Variants in POTEI observed in about 807,000 individuals in gnomAD.
POTEI encodes the protein POTE ankyrin domain family, member I.
POTEI carries 14 observed loss-of-function variants against 43.4 expected under a neutral mutation model. The ratio of observed to expected loss-of-function variants is 0.32; its 90% CI spans 0.21 to 0.50. POTEI has a LOEUF of 0.50. POTEI is among the 20% of genes least tolerant of loss of function. The probability of loss-of-function intolerance (pLI) is 0.98; values close to 1 mark genes in which losing one functional copy is unlikely to be tolerated. For synonymous variants in POTEI, 95 were observed against 297.9 expected (o/e 0.32, Z 7.01); for missense variants, 235 against 795.4 (o/e 0.30, Z 8.47).
chr2:130,496,774 A>T (rs562342352), intron 5 of POTEI, among the ~76,000 whole-genome samples, 152 bp from the exon 6 acceptor site: 1 of 146,448 alleles, frequency 6.8e-6, no homozygotes, highest in Non-Finnish European at 1.5e-5. Context: ...CATTCTACAA[A>T]CTTCTCTTTA....
intron 10 of POTEI, among the ~76,000 whole-genome samples, chr2:130,478,565 A>G (rs1157511893): frequency 9.1e-6 from 1 of 109,658 alleles, no homozygotes; most frequent in Non-Finnish European, 1.8e-5. Flanking sequence ...GAAAAACACA[A>G]AGCACATTTT....
intron 9 of POTEI, among the ~76,000 whole-genome samples, chr2:130,483,918 A>C (rs1455833698): frequency 6.6e-6 from 1 of 150,768 alleles, no homozygotes; most frequent in Non-Finnish European, 1.5e-5. Flanking sequence ...CAATCAAACA[A>C]TATACACAGG....
chr2:130,507,239 G>C (rs1470707328), intron 1 of POTEI, among the ~76,000 whole-genome samples: 1 of 66,222 alleles, frequency 1.5e-5, no homozygotes, highest in African/African-American at 4.8e-5. Context: ...ACTCCAGCTT[G>C]GGCTACAGAG....
At chr2:130,492,947 C>T (rs535335366) in intron 6 of POTEI, among the ~76,000 whole-genome samples, 8 of 151,572 alleles carry the variant, frequency 5.3e-5, no homozygotes, top group Non-Finnish European at 1.2e-4. Flanking sequence ...GGTACTCACT[C>T]TCAAGTTTAT....
At chr2:130,480,528 T>A (rs1055227638) in intron 10 of POTEI, among the ~76,000 whole-genome samples, 36 of 145,790 alleles carry the variant, frequency 2.5e-4, no homozygotes, top group African/African-American at 9.1e-4. Context: ...TCTCACTCCA[T>A]GTTCCTTCTG....
chr2:130,492,799 T>C (rs1303056961), intron 6 of POTEI, among the ~76,000 whole-genome samples: 1 of 131,722 alleles, frequency 7.6e-6, no homozygotes, highest in East Asian at 2.5e-4. Context: ...ATTTCTAAAG[T>C]TATAGTGCCT....
chr2:130,493,025 G>C (rs1421045904), intron 6 of POTEI, among the ~76,000 whole-genome samples: 2 of 141,518 alleles, frequency 1.4e-5, no homozygotes, highest in Non-Finnish European at 3.1e-5. Flanking sequence ...ATATTGCTTT[G>C]TTTAAAGGAA....
At chr2:130,477,773 C>T (rs1573918752) in intron 10 of POTEI, among the ~76,000 whole-genome samples, 1 of 141,724 alleles carries the variant, frequency 7.1e-6, no homozygotes, top group African/African-American at 2.8e-5. Context: ...AGAACACATG[C>T]CCAAGCAGAG....
chr2:130,464,647 A>G (rs2246830), intron 14 of POTEI, among the ~76,000 whole-genome samples: 1 of 151,368 alleles, frequency 6.6e-6, no homozygotes, highest in Non-Finnish European at 1.5e-5. Context: ...ACTGAAGAAC[A>G]TTTTACCGAT....
At chr2:130,467,742 C>A (rs538301229) in intron 13 of POTEI, among the ~76,000 whole-genome samples, 188 of 151,994 alleles carry the variant, frequency 1.2e-3, no homozygotes, top group African/African-American at 4.3e-3. Flanking sequence ...CTATAACCTA[C>A]AAGAAACTCA....
chr2:130,478,013 CT>C (rs1332768161), intron 10 of POTEI, among the ~76,000 whole-genome samples: 1 of 50,148 alleles, frequency 2.0e-5, no homozygotes, highest in Admixed American at 2.7e-4. Context: ...TTATGAAAGC[CT>C]TATGTGTAAT....
rs1342067813 is a variant in POTEI, at chr2:130,509,161, G to T, written c.75C>A (p.Gly25=). The part of the protein sequence containing the change: ...KKPFVLRSKM[G]KWCRHCFPCC... ...AGGGGAAGCAGTGGCGGCACCACTT[G>T]CCCATCTTGCTCCTGAGAACAAATG... The change falls in exon 1 of 15, where the codon GGC becomes GGA. Residue 25 remains glycine (G), a synonymous_variant. Transcript: ENST00000451531. 2.0e-6 allele frequency: 3 copies of T among 1,507,880 alleles called. No homozygotes were observed. Among genetic ancestry groups the T allele is most frequent in the Non-Finnish European group, 2.7e-6 (3 of 1,129,680 alleles). The allele number at this position is 1,507,880 out of a possible 1,614,324, so 93.4% of individuals were successfully genotyped here. A position where few individuals can be genotyped will look rare whatever the true frequency, so the allele number is the denominator to read the frequency against.
intron 1 of POTEI, among the ~76,000 whole-genome samples, chr2:130,507,406 G>A (rs1243913254): frequency 8.6e-4 from 1 of 1,158 alleles, no homozygotes; most frequent in African/African-American, 9.3e-4. Flanking sequence ...GTATATATGT[G>A]TATATATATG....
rs559431253 is a variant in POTEI, at chr2:130,460,170, G to A, written c.*2646C>T. The A allele has an allele frequency of 6.6e-6, 1 of 150,920 alleles. No homozygotes were observed. Among genetic ancestry groups the A allele is most frequent in the South Asian group, 2.1e-4 (1 of 4,808 alleles). 9.3% of individuals were successfully genotyped at this position (150,920 alleles called of 1,614,324 possible). ...GGCATCTAAGAGTGCCCCGTAAGCA[G>A]GTGTGGCCAGGCTGGGGCCATGGGA... On this transcript the variant is annotated 3_prime_UTR_variant, in exon 15 of 15. Coordinates refer to ENST00000451531, the MANE Select transcript of POTEI (RefSeq NM_001277406.2).
At chr2:130,489,128 A>G (rs1683667621) in intron 8 of POTEI, 107 bp downstream of exon 8, 1 of 8,520 alleles carries the variant, frequency 1.2e-4, no homozygotes, top group African/African-American at 1.5e-4. Flanking sequence ...CTCATGATTT[A>G]TGCTACTTAC....
chr2:130,468,526 G>A (rs1682929299), intron 13 of POTEI, among the ~76,000 whole-genome samples: 1 of 151,840 alleles, frequency 6.6e-6, no homozygotes, highest in Non-Finnish European at 1.5e-5. Context: ...AGAGAGAAGT[G>A]AAGCGCAAAG....
chr2:130,493,036 G>C (rs903906920), intron 6 of POTEI, among the ~76,000 whole-genome samples: 1 of 130,452 alleles, frequency 7.7e-6, no homozygotes, highest in Admixed American at 8.3e-5. Context: ...TTTAAAGGAA[G>C]AACACAAAAA....
upstream of POTEI, chr2:130,509,414 A>G: frequency 5.0e-6 from 1 of 200,264 alleles, no homozygotes; most frequent in East Asian, 9.1e-5. Context: ...GAAAACCCAC[A>G]CCCACCCGGG....
chr2:130,483,612 T>TTTTTTTA (rs1683474841), intron 9 of POTEI, among the ~76,000 whole-genome samples: 80 of 100,280 alleles, frequency 8.0e-4, no homozygotes, highest in Non-Finnish European at 1.1e-3. Flanking sequence ...TTTTTTTTTT[T>TTTTTTTA]GAGACGGAGT....
Sources: allele counts gnomAD v4.1 joint callset (sites outside exome capture counted in the v4.1 genomes callset), GRCh38; gene constraint gnomAD v4.1.1; transcripts MANE v1.5; gene names NCBI Gene and HGNC (gene_info 2026-07-23, HGNC 2026-07-21).